ALG14: variants seen among roughly 807,000 people sequenced by gnomAD.
ALG14 encodes the protein UDP-N-acetylglucosamine transferase subunit ALG14.
Under a neutral mutation model 22.8 loss-of-function variants are expected in ALG14, and 17 were observed. The observed-to-expected ratio is 0.75, with a 90% CI of 0.51 to 1.12. The LOEUF is 1.12. Ranked by LOEUF, ALG14 falls within the 50% of genes most tolerant of loss-of-function variation. The probability of loss-of-function intolerance (pLI) is 0.00; values close to 1 mark genes in which losing one functional copy is unlikely to be tolerated. For synonymous variants in ALG14, 89 were observed against 103.7 expected, an observed-to-expected ratio of 0.86 and a Z score of 0.86; for missense variants, 288 against 271.8, an observed-to-expected ratio of 1.06 and a Z score of -0.42.
At position 94,982,699 on chromosome 1, in the gene ALG14, C is replaced by CAAAAAACAAA. The variant is rs1672525311; in HGVS notation, c.*376_*377insTTTGTTTTTT. 1 of 79,468 alleles carries CAAAAAACAAA rather than the reference C, an allele frequency of 1.3e-5. No individual in the cohort carries two copies. Among genetic ancestry groups the CAAAAAACAAA allele is most frequent in the Non-Finnish European group, 2.2e-5 (1 of 45,682 alleles). 4.9% of individuals were successfully genotyped at this position (79,468 alleles called of 1,614,324 possible). The stretch of plus-strand genomic sequence containing the variant: ...TTCTTTTACAATGCAGAATACTTTA[C>CAAAAAACAAA]AAAAAAAAAAAAAAAAAAAAAAAGC... On this transcript the variant is annotated 3_prime_UTR_variant, in exon 4 of 4. Coordinates refer to ENST00000370205, the MANE Select transcript of ALG14 (RefSeq NM_144988.4).
In ALG14 at chr1:95,038,444, G is replaced by A. The variant is rs182605286; in HGVS notation, c.289-11184C>T. On this transcript the variant is annotated intron_variant, in intron 2 of 3. Coordinates refer to ENST00000370205, the MANE Select transcript of ALG14 (RefSeq NM_144988.4). ...GAGGAAGTTGCAGTGAGCCAAGATC[G>A]TGACACTGCACTCTAGTCTGGTGAC... 5.0e-4 allele frequency among the ~76,000 whole-genome samples: 76 copies of A among 152,206 alleles called. No homozygotes were observed. The East Asian group carries it at 0.014, about 28-fold the overall frequency.
chr1:95,063,286 CTTTAG>C (rs1353511343), intron 2 of ALG14, among the ~76,000 whole-genome samples: 1 of 152,160 alleles, frequency 6.6e-6, no homozygotes, highest in Non-Finnish European at 1.5e-5. Flanking sequence ...TGCACAAGCT[CTTTAG>C]TTTAATTAGA....
At chr1:95,021,432 T>C (rs1212676571) in intron 3 of ALG14, among the ~76,000 whole-genome samples, 1 of 152,210 alleles carries the variant, frequency 6.6e-6, no homozygotes, top group Non-Finnish European at 1.5e-5. Flanking sequence ...ATGATCCCAC[T>C]TAACTTGGAG....
chr1:95,068,362 C>G (rs551889559), intron 1 of ALG14, among the ~76,000 whole-genome samples: 1 of 152,154 alleles, frequency 6.6e-6, no homozygotes, highest in Non-Finnish European at 1.5e-5. Flanking sequence ...TCTCGGCTCA[C>G]GGCAACCTCT....
intron 3 of ALG14, among the ~76,000 whole-genome samples, chr1:94,985,642 C>T (rs1443971650): frequency 6.6e-6 from 1 of 152,172 alleles, no homozygotes; most frequent in Non-Finnish European, 1.5e-5. Flanking sequence ...GTGTTCATTT[C>T]AACATCTAGT....
intron 2 of ALG14, among the ~76,000 whole-genome samples, chr1:95,062,934 T>C (rs1232531488): frequency 6.6e-6 from 1 of 152,204 alleles, no homozygotes; most frequent in Admixed American, 6.5e-5. Flanking sequence ...AAAGCATTCC[T>C]TTTTCTCCAC....
intron 1 of ALG14, among the ~76,000 whole-genome samples, chr1:95,071,508 C>T (rs924626549): frequency 6.6e-6 from 1 of 151,854 alleles, no homozygotes; most frequent in African/African-American, 2.4e-5. Context: ...GCGCCACTGC[C>T]CTCCAGCCTG....
At chr1:94,994,975 A>G (rs962632032) in intron 3 of ALG14, among the ~76,000 whole-genome samples, 2 of 152,222 alleles carry the variant, frequency 1.3e-5, no homozygotes, top group African/African-American at 4.8e-5. Context: ...CTAAACAGGA[A>G]GAACTGGCTT....
chr1:95,037,590 C>T (rs1224783950), intron 2 of ALG14, among the ~76,000 whole-genome samples: 1 of 152,178 alleles, frequency 6.6e-6, no homozygotes, highest in Admixed American at 6.5e-5. Flanking sequence ...AGGGATATGC[C>T]TGGGCAACCG....
chr1:94,992,196 G>C (rs906606896), intron 3 of ALG14, among the ~76,000 whole-genome samples: 3 of 151,998 alleles, frequency 2.0e-5, no homozygotes, highest in African/African-American at 7.2e-5. Flanking sequence ...ATTATGCACT[G>C]TACATAATTA....
chr1:95,001,939 G>T (rs1309185275), intron 3 of ALG14, among the ~76,000 whole-genome samples: 1 of 152,214 alleles, frequency 6.6e-6, no homozygotes, highest in Non-Finnish European at 1.5e-5. Context: ...AGGCCACATA[G>T]CTAATAAACT....
chr1:95,042,699 TG>T (rs1329448129), intron 2 of ALG14, among the ~76,000 whole-genome samples: 3 of 152,264 alleles, frequency 2.0e-5, no homozygotes, highest in African/African-American at 4.8e-5. Context: ...TTGTTCTTTC[TG>T]GAAGTTTTTA....
At position 95,001,696 on chromosome 1, in the gene ALG14, A is replaced by G. The variant is rs572310953; in HGVS notation, c.421-18390T>C. Among the ~76,000 whole-genome samples, 29 of 152,208 alleles carry G rather than the reference A, an allele frequency of 1.9e-4. No individual in the cohort carries two copies. The South Asian group carries it at 4.8e-3, about 25-fold the overall frequency. ...TTTTTAGTAGAGATGGGGTTCCACC[A>G]TGTTGGCTTGGCTGATCTCGAACTC... is the stretch of plus-strand genomic sequence containing the variant. On this transcript the variant is annotated intron_variant, in intron 3 of 3. Coordinates refer to ENST00000370205, the MANE Select transcript of ALG14 (RefSeq NM_144988.4).
intron 2 of ALG14, among the ~76,000 whole-genome samples, chr1:95,037,360 T>C (rs1300766135): frequency 1.3e-5 from 2 of 152,166 alleles, no homozygotes; most frequent in African/African-American, 4.8e-5. Context: ...ATAACCCCAC[T>C]GGAGTACCAT....
chr1:95,066,480 C>T (rs1038703307), intron 1 of ALG14, among the ~76,000 whole-genome samples: 1 of 152,164 alleles, frequency 6.6e-6, no homozygotes, highest in Admixed American at 6.5e-5. Flanking sequence ...CACTCGGCCT[C>T]CCAAAGTACT....
chr1:94,987,876 A>G (rs962656088), intron 3 of ALG14, among the ~76,000 whole-genome samples: 8 of 152,188 alleles, frequency 5.3e-5, no homozygotes, highest in Non-Finnish European at 1.5e-5. Flanking sequence ...GAAGAGTCCA[A>G]TTAAGGCTTC....
At chr1:95,056,626 G>C (rs1156831298) in intron 2 of ALG14, among the ~76,000 whole-genome samples, 1 of 150,938 alleles carries the variant, frequency 6.6e-6, no homozygotes, top group African/African-American at 2.4e-5. Flanking sequence ...GCCTGGGTGA[G>C]AGTGAGACAC....
At chr1:95,063,394 T>C (rs959438196) in intron 2 of ALG14, among the ~76,000 whole-genome samples, 12 of 152,328 alleles carry the variant, frequency 7.9e-5, no homozygotes, top group African/African-American at 2.6e-4. Context: ...TACTACTGCT[T>C]AGATTTTCTT....
intron 3 of ALG14, among the ~76,000 whole-genome samples, chr1:95,014,387 C>A (rs1200616881): frequency 6.6e-6 from 1 of 152,174 alleles, no homozygotes; most frequent in Non-Finnish European, 1.5e-5. Context: ...CAAAATAGGG[C>A]CTGTGATTTA....
Sources: gnomAD v4.1 joint callset for allele counts (sites outside exome capture counted in the v4.1 genomes callset) on GRCh38, gnomAD v4.1.1 for gene constraint, MANE v1.5 for transcripts, NCBI Gene and HGNC (gene_info 2026-07-23, HGNC 2026-07-21) for gene names.